ERO1A: variants seen among roughly 807,000 people sequenced by gnomAD.
ERO1A encodes the protein endoplasmic reticulum oxidoreductase 1 alpha.
Under a neutral mutation model 76.9 loss-of-function variants are expected in ERO1A, and 49 were observed. That is an observed-to-expected ratio of 0.64 (90% CI 0.51 to 0.81). The LOEUF (loss-of-function observed/expected upper bound fraction) is 0.81, where lower values mean the gene tolerates loss of function less well. Ranked by LOEUF, ERO1A falls within the 30% of genes least tolerant of loss-of-function variation. ERO1A has a pLI of 0.00. For synonymous variants in ERO1A, 174 were observed against 181.2 expected (o/e 0.96, Z 0.32); for missense variants, 448 against 542.1 (o/e 0.83, Z 1.72).
chr14:52,670,438 G>A (rs2040561060), intron 6 of ERO1A, among the ~76,000 whole-genome samples: 1 of 152,134 alleles, frequency 6.6e-6, no homozygotes, highest in Non-Finnish European at 1.5e-5. Context: ...GGAGTGCAAT[G>A]GCACAATCTC....
intron 4 of ERO1A, among the ~76,000 whole-genome samples, chr14:52,675,905 G>C (rs1016860819): frequency 2.0e-5 from 3 of 152,108 alleles, no homozygotes; most frequent in African/African-American, 4.8e-5. Flanking sequence ...GGCTGGTCTC[G>C]AACTCCTGGG....
intron 7 of ERO1A, 87 bp downstream of exon 7, chr14:52,666,288 T>C (rs1159604019): frequency 2.0e-6 from 2 of 987,312 alleles, no homozygotes; most frequent in Middle Eastern, 2.4e-4. Context: ...GTGAATTTGA[T>C]TTTTAATTTT....
chr14:52,664,977 A>T (rs1341335104), intron 7 of ERO1A, among the ~76,000 whole-genome samples: 1 of 152,044 alleles, frequency 6.6e-6, no homozygotes, highest in Non-Finnish European at 1.5e-5. Flanking sequence ...AAAAATAACA[A>T]CAACAGGGCC....
chr14:52,666,318 T>C (rs12885338), intron 7 of ERO1A, 57 bp downstream of exon 7: 729,199 of 1,234,202 alleles, frequency 0.59, 222,793 homozygotes, highest in South Asian at 0.65. Context: ...TGATTTTGTT[T>C]ATAAAGAGAA....
Position 52,695,433 on chromosome 14 carries a change from G to A in ERO1A, c.49C>T (p.Leu17=). ...TCCTCTCCGTGGCCCGAGCTGAGCA[G>A]CCACACGGCGCCCAGGAGGCCAAAC... The part of the protein sequence containing the change: ...FLFGLLGAVW[L]LSSGHGEEQP... Residue 17 remains leucine (L), a synonymous_variant, in exon 1 of 16, where the codon CTG becomes TTG. Coordinates refer to ENST00000395686, the MANE Select transcript of ERO1A (RefSeq NM_014584.3). 6.4e-7 allele frequency: 1 copy of A among 1,552,554 alleles called. No homozygotes were observed. Among genetic ancestry groups the A allele is most frequent in the South Asian group, 1.2e-5 (1 of 83,752 alleles).
chr14:52,670,313 TTAGAAAAAGGAAATAC>T (rs2040554828), intron 6 of ERO1A, among the ~76,000 whole-genome samples: 1 of 152,244 alleles, frequency 6.6e-6, no homozygotes, highest in Non-Finnish European at 1.5e-5. Context: ...ACAATTCAAC[TTAGAAAAAGGAAATAC>T]TAGAAAAAGG....
chr14:52,692,356 G>C (rs17125672), intron 1 of ERO1A, among the ~76,000 whole-genome samples: 5,444 of 152,218 alleles, frequency 0.036, 298 homozygotes, highest in African/African-American at 0.11. Context: ...AAATCAGAGC[G>C]GACATTCTGT....
intron 13 of ERO1A, among the ~76,000 whole-genome samples, chr14:52,650,240 T>C (rs1009899571): frequency 6.6e-6 from 1 of 151,618 alleles, no homozygotes; most frequent in African/African-American, 2.4e-5. Context: ...AAAATATATA[T>C]ACAATATGTA....
At position 52,669,511 on chromosome 14, in the gene ERO1A, T is replaced by A. The variant is rs184377844; in HGVS notation, c.508+2119A>T. On this transcript the variant is annotated intron_variant, in intron 6 of 15. Transcript: ENST00000395686. ...AAATCTTGATATAGGTCTATACCCC[T>A]CATCCAACATGCCTGGGACCATGCG... Among the ~76,000 whole-genome samples the A allele has an allele frequency of 3.1e-3, 466 of 152,238 alleles. 1 individual carries two copies. Among genetic ancestry groups the A allele is most frequent in the Non-Finnish European group, 4.6e-3 (316 of 68,000 alleles).
chr14:52,646,493 T>C lies in ERO1A; in HGVS notation c.1126-32A>G, dbSNP rs369263722. 5 of 1,512,368 alleles carry C rather than the reference T, an allele frequency of 3.3e-6. No individual in the cohort carries two copies. The African/African-American group carries it at 4.1e-5, about 13-fold the overall frequency. The allele number at this position is 1,512,368 out of a possible 1,614,324, so 93.7% of individuals were successfully genotyped here. ...ACAATTTAACAAGATTTTATTAAGA[T>C]GTAATATACAGTCAATTAGTAAGTA... is the stretch of plus-strand genomic sequence containing the variant. On this transcript the variant is annotated intron_variant, in intron 13 of 15. Transcript: ENST00000395686.
chr14:52,670,388 TTTG>T (rs925416358), intron 6 of ERO1A, among the ~76,000 whole-genome samples: 35 of 152,252 alleles, frequency 2.3e-4, no homozygotes, highest in Non-Finnish European at 1.8e-4. Flanking sequence ...TTTTTGGTCT[TTTG>T]TTTTTTTGAG....
At chr14:52,645,395 C>T (rs915786734) in intron 15 of ERO1A, among the ~76,000 whole-genome samples, 4 of 150,442 alleles carry the variant, frequency 2.7e-5, no homozygotes, top group Non-Finnish European at 4.4e-5. Flanking sequence ...CTCTGCCTCC[C>T]GGGTTCAAGC....
chr14:52,685,697 A>AATAT (rs999685460), intron 1 of ERO1A, among the ~76,000 whole-genome samples: 2 of 152,150 alleles, frequency 1.3e-5, no homozygotes, highest in African/African-American at 4.8e-5. Context: ...TTAAGGTTAA[A>AATAT]ATATATCTTC....
chr14:52,667,876 A>G lies in ERO1A; in HGVS notation c.509-1381T>C, dbSNP rs191811348. On this transcript the variant is annotated intron_variant, in intron 6 of 15. Coordinates refer to ENST00000395686, the MANE Select transcript of ERO1A (RefSeq NM_014584.3). ...AATGCAACCAAAGTCAATAACAAAA[A>G]TATGAGCACAAAAGTGCTTAGAGTC... Among the ~76,000 whole-genome samples, 17 of 152,280 alleles carry G rather than the reference A, an allele frequency of 1.1e-4. No individual in the cohort carries two copies. The East Asian group carries it at 1.2e-3, about 10-fold the overall frequency.
chr14:52,650,852 T>C (rs2039837321), intron 13 of ERO1A, among the ~76,000 whole-genome samples: 1 of 152,208 alleles, frequency 6.6e-6, no homozygotes, highest in Non-Finnish European at 1.5e-5. Context: ...AGAGATGGTC[T>C]TGCCTGAGGT....
At chr14:52,681,244 G>A (rs1001634100) in intron 3 of ERO1A, among the ~76,000 whole-genome samples, 2 of 152,180 alleles carry the variant, frequency 1.3e-5, no homozygotes, top group Non-Finnish European at 2.9e-5. Context: ...CCATCAACAG[G>A]TGACTATATA....
chr14:52,682,336 G>T lies in ERO1A; in HGVS notation c.307C>A (p.Pro103Thr), dbSNP rs376279892. 4.4e-6 allele frequency: 7 copies of T among 1,608,116 alleles called. No individual in the cohort carries two copies. Among genetic ancestry groups the T allele is most frequent in the Non-Finnish European group, 6.0e-6 (7 of 1,176,184 alleles). Residue 103 changes from proline to threonine, a missense_variant, in exon 3 of 16, where the codon CCA becomes ACA. Around this residue, in one of 2 missense-constraint regions of ERO1A, gnomAD observed 146 missense variants for 130.2 expected, o/e 1.12. Transcript: ENST00000395686. ...TACATGGTTCTTACAGATTGACATG[G>T]TTTGACAGCACAGTCCCTTCTTCCA... ...QCGRRDCAVK[P>T]CQSDEVPDGI...
chr14:52,660,333 A>T (rs1292987754), intron 9 of ERO1A, among the ~76,000 whole-genome samples: 1 of 152,244 alleles, frequency 6.6e-6, no homozygotes, highest in Non-Finnish European at 1.5e-5. Context: ...AAGGTCTTCA[A>T]ATAGAATTGA....
At chr14:52,650,504 C>A (rs200534384) in intron 13 of ERO1A, among the ~76,000 whole-genome samples, 1 of 143,578 alleles carries the variant, frequency 7.0e-6, no homozygotes, top group Non-Finnish European at 1.5e-5. Context: ...AAAAAAAAAA[C>A]TACTCAATAA....
Sources: gnomAD v4.1 joint callset for allele counts (sites outside exome capture counted in the v4.1 genomes callset) on GRCh38, gnomAD v4.1.1 for gene constraint, gnomAD v4.1.1 regional missense constraint, MANE v1.5 for transcripts, NCBI Gene and HGNC (gene_info 2026-07-23, HGNC 2026-07-21) for gene names.